The following C1QTNF3 variants were observed in gnomAD, a reference collection of about 807,000 sequenced individuals.
C1QTNF3 encodes C1q and TNF related 3, also known as complement C1q tumor necrosis factor-related protein 3.
A neutral mutation model predicts 32.6 loss-of-function variants in C1QTNF3; 26 were observed. The ratio of observed to expected loss-of-function variants is 0.80; its 90% confidence interval spans 0.58 to 1.11. The LOEUF (loss-of-function observed/expected upper bound fraction) is 1.11. Ranked by LOEUF, C1QTNF3 falls within the 50% of genes least tolerant of loss-of-function variation. The pLI, the probability that C1QTNF3 is intolerant of heterozygous loss-of-function variation, is 0.00. For missense variants in C1QTNF3, 362 were observed against 398.2 expected (o/e 0.91, Z 0.77); for synonymous variants, 155 against 146.0 (o/e 1.06, Z -0.44).
the C1QTNF3 span, among the ~76,000 whole-genome samples, chr5:34,197,555 T>C: frequency 2.6e-5 from 4 of 152,158 alleles, no homozygotes; most frequent in Non-Finnish European, 5.9e-5. Flanking sequence ...CCCTAAAACT[T>C]AATGGCTTAA....
At chr5:34,142,222 AG>A in the C1QTNF3 span, among the ~76,000 whole-genome samples, 1 of 152,190 alleles carries the variant, frequency 6.6e-6, no homozygotes, top group Non-Finnish European at 1.5e-5. Flanking sequence ...ACCTGAGGTC[AG>A]GAGTTCGATA....
chr5:34,071,793 T>C, the C1QTNF3 span, among the ~76,000 whole-genome samples: 2 of 152,010 alleles, frequency 1.3e-5, no homozygotes, highest in Non-Finnish European at 2.9e-5. Context: ...GAAATATTGC[T>C]GAGAAAAGAA....
chr5:34,161,161 A>C, the C1QTNF3 span, among the ~76,000 whole-genome samples: 68 of 152,314 alleles, frequency 4.5e-4, no homozygotes, highest in African/African-American at 1.6e-3. Context: ...CCTCAGATGA[A>C]TATGGCTCTC....
chr5:34,091,678 C>T, the C1QTNF3 span, among the ~76,000 whole-genome samples: 1 of 152,210 alleles, frequency 6.6e-6, no homozygotes, highest in African/African-American at 2.4e-5. Context: ...TGACTTAAAA[C>T]CTTCTCTTTT....
At chr5:34,224,895 T>A in the C1QTNF3 span, among the ~76,000 whole-genome samples, 1 of 152,116 alleles carries the variant, frequency 6.6e-6, no homozygotes, top group East Asian at 1.9e-4. Flanking sequence ...ATTTTCGCAA[T>A]CTACTCATCT....
chr5:34,124,922 A>G, the C1QTNF3 span, among the ~76,000 whole-genome samples: 3 of 152,172 alleles, frequency 2.0e-5, no homozygotes, highest in East Asian at 1.9e-4. Flanking sequence ...GATATCTCCT[A>G]TACGCCACTC....
chr5:34,083,884 T>C, the C1QTNF3 span, among the ~76,000 whole-genome samples: 24 of 151,922 alleles, frequency 1.6e-4, no homozygotes, highest in Admixed American at 1.2e-3. Flanking sequence ...AATTGTTCCA[T>C]CACAATATTT....
the C1QTNF3 span, among the ~76,000 whole-genome samples, chr5:34,118,742 T>C: frequency 6.6e-6 from 1 of 152,184 alleles, no homozygotes; most frequent in African/African-American, 2.4e-5. Context: ...AACATTTTAC[T>C]TGATGTGTCT....
upstream of C1QTNF3, chr5:34,043,350 G>A: frequency 1.8e-6 from 1 of 560,048 alleles, no homozygotes; most frequent in South Asian, 2.3e-5. Context: ...AAGCAAGAAC[G>A]ATTTGTGTGC....
chr5:34,133,176 A>T, the C1QTNF3 span, among the ~76,000 whole-genome samples: 1 of 152,302 alleles, frequency 6.6e-6, no homozygotes, highest in East Asian at 1.9e-4. Context: ...TTACGTGTTA[A>T]ATCTTCTACC....
At chr5:34,157,849 AC>A in the C1QTNF3 span, among the ~76,000 whole-genome samples, 6 of 152,180 alleles carry the variant, frequency 3.9e-5, no homozygotes, top group African/African-American at 1.4e-4. Context: ...GATCTGTAAG[AC>A]GATGAACTTT....
At chr5:34,024,333 C>T (rs891825939) in intron 4 of C1QTNF3, 23 of 241,480 alleles carry the variant, frequency 9.5e-5, no homozygotes, top group East Asian at 7.1e-4. Flanking sequence ...CATAGGTTAG[C>T]GATCATCCTC....
the C1QTNF3 span, among the ~76,000 whole-genome samples, chr5:34,240,388 A>G: frequency 2.0e-5 from 3 of 151,720 alleles, no homozygotes; most frequent in Non-Finnish European, 2.9e-5. Flanking sequence ...AGATAAACAA[A>G]GAAAAAAAAG....
chr5:34,143,817 C>T, the C1QTNF3 span, among the ~76,000 whole-genome samples: 5 of 152,162 alleles, frequency 3.3e-5, no homozygotes, highest in African/African-American at 4.8e-5. Flanking sequence ...ACACCTGCTA[C>T]TCCAAAAACA....
the C1QTNF3 span, among the ~76,000 whole-genome samples, chr5:34,131,563 G>A: frequency 3.9e-5 from 6 of 152,044 alleles, no homozygotes; most frequent in South Asian, 6.2e-4. Context: ...CTCATATGTG[G>A]AAACTAAAAA....
chr5:34,204,133 AAC>A, the C1QTNF3 span, among the ~76,000 whole-genome samples: 1 of 152,170 alleles, frequency 6.6e-6, no homozygotes, highest in Non-Finnish European at 1.5e-5. Context: ...AAAACAAATA[AAC>A]ATAAGACTTA....
chr5:34,027,778 G>A (rs1369321701), intron 4 of C1QTNF3, among the ~76,000 whole-genome samples: 1 of 138,014 alleles, frequency 7.2e-6, no homozygotes, highest in Non-Finnish European at 1.6e-5. Flanking sequence ...CAACCCAAAT[G>A]TCCAGAAATA....
At chr5:34,085,787 C>T in the C1QTNF3 span, among the ~76,000 whole-genome samples, 1 of 151,702 alleles carries the variant, frequency 6.6e-6, no homozygotes, top group African/African-American at 2.4e-5. Flanking sequence ...ATTCAGGAAA[C>T]AACAGATGCT....
chr5:34,045,428 C>T (rs1754970638), upstream of C1QTNF3, among the ~76,000 whole-genome samples: 1 of 152,156 alleles, frequency 6.6e-6, no homozygotes, highest in African/African-American at 2.4e-5. Flanking sequence ...AAGGTGCATC[C>T]AGGGTTAGGA....
Sources: allele counts gnomAD v4.1 joint callset (sites outside exome capture counted in the v4.1 genomes callset), GRCh38; gene constraint gnomAD v4.1.1; transcripts MANE v1.5; gene names NCBI Gene and HGNC (gene_info 2026-07-23, HGNC 2026-07-21).